Variants in AUTS2 observed in about 807,000 individuals in gnomAD.
AUTS2 encodes the protein autism susceptibility gene 2 protein.
A neutral mutation model predicts 112.4 loss-of-function variants in AUTS2; 17 were observed. That is an observed-to-expected ratio of 0.15 (90% CI 0.10 to 0.23). The LOEUF is 0.23. AUTS2 is among the 10% of genes least tolerant of loss of function. The probability of loss-of-function intolerance (pLI) is 1.00; values close to 1 mark genes in which losing one functional copy is unlikely to be tolerated. For missense variants in AUTS2, 1,510 were observed against 1,701.6 expected, an observed-to-expected ratio of 0.89 and a Z score of 1.98; for synonymous variants, 751 against 702.7, an observed-to-expected ratio of 1.07 and a Z score of -1.09.
At chr7:70,155,243 A>G (rs1297725013) in intron 4 of AUTS2, among the ~76,000 whole-genome samples, 2 of 152,128 alleles carry the variant, frequency 1.3e-5, no homozygotes, top group Non-Finnish European at 2.9e-5. Flanking sequence ...GGAGGGTTCG[A>G]TCTGGGAATA....
chr7:70,248,212 G>C (rs865875616), intron 4 of AUTS2, among the ~76,000 whole-genome samples: 1 of 152,128 alleles, frequency 6.6e-6, no homozygotes, highest in Admixed American at 6.6e-5. Flanking sequence ...TTGGTATCAA[G>C]ATTCTCCCAC....
At chr7:70,452,368 AGGATTGCGTGAGCCCGGGAGGC>A (rs1173654172) in intron 5 of AUTS2, among the ~76,000 whole-genome samples, 10 of 152,190 alleles carry the variant, frequency 6.6e-5, no homozygotes, top group African/African-American at 1.9e-4. Flanking sequence ...CTGAGGGAGG[AGGATTGCGTGAGCCCGGGAGGC>A]GGAGGTTGCA....
chr7:70,157,325 C>T (rs972839853), intron 4 of AUTS2, among the ~76,000 whole-genome samples: 4 of 152,024 alleles, frequency 2.6e-5, no homozygotes, highest in Admixed American at 2.6e-4. Flanking sequence ...GTTGCCCAGG[C>T]TGGAATGCAG....
intron 5 of AUTS2, among the ~76,000 whole-genome samples, chr7:70,585,284 C>T (rs954456865): frequency 6.6e-6 from 1 of 152,154 alleles, no homozygotes; most frequent in Non-Finnish European, 1.5e-5. Flanking sequence ...GACTCTAGTC[C>T]TCTGGGGGGT....
At chr7:69,732,837 TTTC>T (rs1786857710) in intron 1 of AUTS2, among the ~76,000 whole-genome samples, 1 of 152,230 alleles carries the variant, frequency 6.6e-6, no homozygotes, top group Middle Eastern at 3.2e-3. Flanking sequence ...TCAATTTAAA[TTTC>T]TTCTTCCTGG....
rs148782528 is a variant in AUTS2, at chr7:70,569,555, T to C, written c.691-129014T>C. Among the ~76,000 whole-genome samples the C allele has an allele frequency of 3.0e-3, 462 of 152,352 alleles. 3 individuals are homozygous for C. The highest frequency in any genetic ancestry group is 0.01 in the African/African-American group (423 of 41,588). ...TAGATTTACTTTCTGTCTCCCTAGTTCAGCACAGTCAGTTTTGACACACTG... is the reference window on the plus strand; with the variant it reads ...TAGATTTACTTTCTGTCTCCCTAGTCCAGCACAGTCAGTTTTGACACACTG... On this transcript the variant is annotated intron_variant, in intron 5 of 18. Coordinates refer to ENST00000342771, the MANE Select transcript of AUTS2 (RefSeq NM_015570.4).
Position 70,793,102 on chromosome 7 carries a change from G to GA in AUTS2, c.*2106_*2107insA, listed in dbSNP as rs1038609755. 106 of 151,974 alleles carry GA rather than the reference G, an allele frequency of 7.0e-4. No homozygotes were observed. The highest frequency in any genetic ancestry group is 1.1e-3 in the Non-Finnish European group (78 of 68,042). The allele number at this position is 151,974 out of a possible 1,614,324, so 9.4% of individuals were successfully genotyped here. ...CTTGTGGTTTGTTTTTTGAGGAGGG[G>GA]GGGTTCTGTTAGTTTTTCGTATGTC... On this transcript the variant is annotated 3_prime_UTR_variant, in exon 19 of 19. Coordinates refer to ENST00000342771, the MANE Select transcript of AUTS2 (RefSeq NM_015570.4).
At chr7:70,398,341 G>A (rs1450968738) in intron 4 of AUTS2, among the ~76,000 whole-genome samples, 2 of 152,122 alleles carry the variant, frequency 1.3e-5, no homozygotes, top group African/African-American at 2.4e-5. Flanking sequence ...TCACTCTGAG[G>A]AGAATTAATA....
chr7:69,818,174 G>T (rs77208800), intron 1 of AUTS2, among the ~76,000 whole-genome samples: 1 of 152,158 alleles, frequency 6.6e-6, no homozygotes, highest in African/African-American at 2.4e-5. Context: ...CTGATGGTCC[G>T]TCAGAAACTA....
chr7:69,661,083 C>T (rs1347035160), intron 1 of AUTS2, among the ~76,000 whole-genome samples: 2 of 152,124 alleles, frequency 1.3e-5, no homozygotes, highest in African/African-American at 4.8e-5. Context: ...TGCCCCTCTT[C>T]AGAGGTAACA....
intron 1 of AUTS2, among the ~76,000 whole-genome samples, chr7:69,689,343 A>ATTTTTT (rs530444257): frequency 1.6e-3 from 163 of 102,448 alleles, no homozygotes; most frequent in Middle Eastern, 0.017. Flanking sequence ...TAATTAATTA[A>ATTTTTT]TTTTTTTTTT....
intron 1 of AUTS2, among the ~76,000 whole-genome samples, chr7:69,837,648 T>C (rs1791785821): frequency 6.6e-6 from 1 of 152,172 alleles, no homozygotes; most frequent in African/African-American, 2.4e-5. Context: ...TATGTGTTCT[T>C]GCTTATTTGC....
chr7:69,796,409 G>A (rs1296992758), intron 1 of AUTS2, among the ~76,000 whole-genome samples: 1 of 152,082 alleles, frequency 6.6e-6, no homozygotes, highest in Non-Finnish European at 1.5e-5. Context: ...TGTAGTCCCA[G>A]CTACTTGGAA....
At position 70,725,726 on chromosome 7, in the gene AUTS2, G is replaced by A. The variant is rs75360622; in HGVS notation, c.742+27106G>A. Among the ~76,000 whole-genome samples the A allele has an allele frequency of 9.7e-3, 1,472 of 152,276 alleles. 23 individuals carry two copies. The highest frequency in any genetic ancestry group is 0.034 in the African/African-American group (1,399 of 41,540). On this transcript the variant is annotated intron_variant, in intron 6 of 18. Coordinates refer to ENST00000342771, the MANE Select transcript of AUTS2 (RefSeq NM_015570.4). The stretch of plus-strand genomic sequence containing the variant: ...ATTTGTTTTGGGTCAGTTCCTACAG[G>A]TAGAGAATTTGAAAGCCCTGAAGTG...
intron 6 of AUTS2, among the ~76,000 whole-genome samples, chr7:70,720,531 G>A (rs1028842413): frequency 6.6e-6 from 1 of 152,100 alleles, no homozygotes; most frequent in African/African-American, 2.4e-5. Flanking sequence ...AAAGTAGTTG[G>A]TAGGGATCTT....
intron 4 of AUTS2, among the ~76,000 whole-genome samples, chr7:70,242,643 A>AT (rs1158042106): frequency 6.6e-6 from 1 of 152,206 alleles, no homozygotes; most frequent in Non-Finnish European, 1.5e-5. Flanking sequence ...AAATATTATC[A>AT]TGCCCCTTCT....
At chr7:70,561,768 A>G (rs1801496586) in intron 5 of AUTS2, among the ~76,000 whole-genome samples, 1 of 152,184 alleles carries the variant, frequency 6.6e-6, no homozygotes, top group Admixed American at 6.5e-5. Context: ...TCTTTTTAGC[A>G]GGAAGGAAAA....
chr7:69,959,063 C>T (rs1275967399), intron 2 of AUTS2, among the ~76,000 whole-genome samples: 1 of 152,118 alleles, frequency 6.6e-6, no homozygotes, highest in Non-Finnish European at 1.5e-5. Context: ...TGCCCGTTAC[C>T]TCTGGAAATT....
chr7:70,257,696 G>C (rs945603099), intron 4 of AUTS2, among the ~76,000 whole-genome samples: 1 of 151,004 alleles, frequency 6.6e-6, no homozygotes, highest in Admixed American at 6.6e-5. Context: ...GGGCCTGAGC[G>C]ATCCTCCCAC....
Sources: gnomAD v4.1 joint callset for allele counts (sites outside exome capture counted in the v4.1 genomes callset) on GRCh38, gnomAD v4.1.1 for gene constraint, MANE v1.5 for transcripts, NCBI Gene and HGNC (gene_info 2026-07-23, HGNC 2026-07-21) for gene names.